GFM1: variants seen among roughly 807,000 people sequenced by gnomAD.
GFM1 encodes elongation factor G, mitochondrial.
In GFM1, 62 loss-of-function variants were observed where a neutral mutation model predicts 96.2. The ratio of observed to expected loss-of-function variants is 0.64; its 90% CI spans 0.53 to 0.80. The LOEUF (loss-of-function observed/expected upper bound fraction) is 0.80, where lower values mean the gene tolerates loss of function less well. Ranked by LOEUF, GFM1 falls within the 30% of genes least tolerant of loss-of-function variation. The pLI is 0.00. For synonymous variants in GFM1, 282 were observed against 312.9 expected, an observed-to-expected ratio of 0.90 and a Z score of 1.04; for missense variants, 852 against 916.6, an observed-to-expected ratio of 0.93 and a Z score of 0.91.
Position 158,649,075 on chromosome 3 carries a change from A to G in GFM1, c.607A>G (p.Ile203Val), listed in dbSNP as rs1722079229. The G allele has an allele frequency of 6.4e-7, 1 of 1,565,576 alleles. No homozygotes were observed. The highest frequency in any genetic ancestry group is 1.4e-5 in the African/African-American group (1 of 73,744). The change falls in exon 5 of 18, where the codon ATA becomes GTA. Residue 203 changes from isoleucine (I) to valine (V), a missense_variant. Coordinates refer to ENST00000486715, the MANE Select transcript of GFM1 (RefSeq NM_024996.7). ...AAATCATAATGCAGCGTTTATGCAG[A>G]TACCCATGGGTTTGGAGGGTAATTT... is the stretch of plus-strand genomic sequence containing the variant. ...KLNHNAAFMQ[I>V]PMGLEGNFKG...
intron 11 of GFM1, among the ~76,000 whole-genome samples, chr3:158,664,896 A>T (rs1723507471): frequency 6.6e-6 from 1 of 152,208 alleles, no homozygotes; most frequent in South Asian, 2.1e-4. Flanking sequence ...GACAAGTCTC[A>T]TCGTGGTATT....
chr3:158,694,817 G>A lies in GFM1; in HGVS notation c.*3350G>A, dbSNP rs1442322150. 6.6e-6 allele frequency among the ~76,000 whole-genome samples: 1 copy of A among 152,106 alleles called. No homozygotes were observed. The highest frequency in any genetic ancestry group is 2.4e-5 in the African/African-American group (1 of 41,392). ...TCAGGTAGGAAGAAAATGAAAGTAT[G>A]AATAAAATAAAATGGAATGTAGACA... is the stretch of plus-strand genomic sequence containing the variant. On this transcript the variant is annotated 3_prime_UTR_variant, in exon 18 of 18. Coordinates refer to ENST00000486715, the MANE Select transcript of GFM1 (RefSeq NM_024996.7).
chr3:158,652,901 G>C (rs1463310330), intron 6 of GFM1, among the ~76,000 whole-genome samples: 1 of 152,148 alleles, frequency 6.6e-6, no homozygotes, highest in Non-Finnish European at 1.5e-5. Context: ...CAGGTTACCA[G>C]TTAATAGCTT....
At chr3:158,666,675 G>A in intron 13 of GFM1, 6 of 1,613,850 alleles carry the variant, frequency 3.7e-6, no homozygotes, top group Non-Finnish European at 4.2e-6. Context: ...TTTGGCAGAC[G>A]GCTATTATGT....
chr3:158,692,211 G>T lies in GFM1; in HGVS notation c.*744G>T, dbSNP rs1726376585. 6.6e-6 allele frequency: 1 copy of T among 152,266 alleles called. No individual in the cohort carries two copies. The highest frequency in any genetic ancestry group is 2.4e-5 in the African/African-American group (1 of 41,450). 9.4% of individuals were successfully genotyped at this position (152,266 alleles called of 1,614,324 possible). A position where few individuals can be genotyped will look rare whatever the true frequency, so the allele number is the denominator to read the frequency against. On this transcript the variant is annotated 3_prime_UTR_variant, in exon 18 of 18. Coordinates refer to ENST00000486715, the MANE Select transcript of GFM1 (RefSeq NM_024996.7). ...ATTTGTAACTGCCTCTGTTTTAGGAGTATAAGTATTACTTCCTTGTGGTCT... is the reference window on the plus strand; with the variant it reads ...ATTTGTAACTGCCTCTGTTTTAGGATTATAAGTATTACTTCCTTGTGGTCT...
Position 158,682,150 on chromosome 3 carries a change from T to TA in GFM1, c.1758dup (p.Glu587ArgfsTer34). 6.2e-7 allele frequency: 1 copy of TA among 1,613,054 alleles called. No individual in the cohort carries two copies. Among genetic ancestry groups the TA allele is most frequent in the Non-Finnish European group, 8.5e-7 (1 of 1,179,376 alleles). On this transcript the variant is annotated frameshift_variant, in exon 14 of 18. Coordinates refer to ENST00000486715, the MANE Select transcript of GFM1 (RefSeq NM_024996.7). LOFTEE classifies it high-confidence loss of function. ...ATTCCAAAGCAGTTTGTGCCTGCTG[T>TA]AGAAAAGGTAAATTTTTAAAAAAGT...
intron 5 of GFM1, among the ~76,000 whole-genome samples, chr3:158,651,682 A>G (rs555943188): frequency 6.6e-6 from 1 of 152,296 alleles, no homozygotes; most frequent in East Asian, 1.9e-4. Context: ...ATTGTTTTGA[A>G]CTTGTATTTT....
At chr3:158,655,819 C>G (rs545892119) in intron 8 of GFM1, 69 of 453,586 alleles carry the variant, frequency 1.5e-4, no homozygotes, top group Middle Eastern at 6.5e-4. Flanking sequence ...TGTCTAGGTC[C>G]TTTTTCCGTC....
chr3:158,662,592 T>C, intron 10 of GFM1, 36 bp from the exon 11 acceptor site: 1 of 1,357,700 alleles, frequency 7.4e-7, no homozygotes, highest in South Asian at 1.2e-5. Context: ...GGGTCTGTTT[T>C]TTAATTCTTC....
intron 17 of GFM1, 34 bp from the exon 18 acceptor site, chr3:158,691,302 A>T (rs1348647637): frequency 6.3e-7 from 1 of 1,579,050 alleles, no homozygotes; most frequent in Non-Finnish European, 8.6e-7. Flanking sequence ...CAAACAAACA[A>T]ACAAAAAACC....
intron 14 of GFM1, 145 bp downstream of exon 14, chr3:158,682,302 C>T (rs1725466444): frequency 2.9e-6 from 2 of 694,076 alleles, no homozygotes; most frequent in African/African-American, 3.5e-5. Context: ...AGCTTTCCAT[C>T]TGATTTAGAA....
chr3:158,677,068 A>G (rs1724966845), intron 13 of GFM1, among the ~76,000 whole-genome samples: 3 of 152,184 alleles, frequency 2.0e-5, no homozygotes, highest in Admixed American at 2.0e-4. Context: ...AATTCTTGTA[A>G]TATTTCAAAC....
Position 158,693,149 on chromosome 3 carries a change from A to G in GFM1, c.*1682A>G, listed in dbSNP as rs1027667229. 3 of 152,224 alleles carry G rather than the reference A, an allele frequency of 2.0e-5. No individual in the cohort carries two copies. Among genetic ancestry groups the G allele is most frequent in the Non-Finnish European group, 2.9e-5 (2 of 68,034 alleles). The allele number at this position is 152,224 out of a possible 1,614,324, so 9.4% of individuals were successfully genotyped here. A position where few individuals can be genotyped will look rare whatever the true frequency, so the allele number is the denominator to read the frequency against. On this transcript the variant is annotated 3_prime_UTR_variant, in exon 18 of 18. Transcript: ENST00000486715. ...TTTTTTAATTGATACTTTAATTACAATTATTCACCAAGTGCATTTCCCCCA... is the reference window on the plus strand; with the variant it reads ...TTTTTTAATTGATACTTTAATTACAGTTATTCACCAAGTGCATTTCCCCCA...
chr3:158,674,281 C>T (rs1339457306), intron 13 of GFM1, among the ~76,000 whole-genome samples: 1 of 151,766 alleles, frequency 6.6e-6, no homozygotes, highest in Non-Finnish European at 1.5e-5. Context: ...GGGGTTTCAC[C>T]ATGTTGAGTT....
At chr3:158,653,231 T>C in intron 6 of GFM1, 79 bp from the exon 7 acceptor site, 2 of 1,150,612 alleles carry the variant, frequency 1.7e-6, no homozygotes, top group Non-Finnish European at 2.6e-6. Flanking sequence ...CAGTTCATTT[T>C]ATTCATTTGT....
intron 6 of GFM1, among the ~76,000 whole-genome samples, chr3:158,653,058 TAGTG>T (rs1228724408): frequency 3.3e-5 from 5 of 152,172 alleles, no homozygotes; most frequent in East Asian, 1.9e-4. Flanking sequence ...AATTGAAAAT[TAGTG>T]AGAATTAGTG....
rs1024899608 is a variant in GFM1, at chr3:158,681,743, C to T, written c.1602-252C>T. The stretch of plus-strand genomic sequence containing the variant: ...GACTGACCTTTTTCTTTTAATTACT[C>T]GACTTTTACTTTTTTATTTGTGAAA... On this transcript the variant is annotated intron_variant, in intron 13 of 17. Transcript: ENST00000486715. 3.3e-5 allele frequency among the ~76,000 whole-genome samples: 5 copies of T among 152,208 alleles called. No homozygotes were observed. In the South Asian group the frequency reaches 6.2e-4, roughly 19 times the overall value.
At position 158,666,329 on chromosome 3, in the gene GFM1, C is replaced by T. The variant is rs752809047; in HGVS notation, c.1544C>T (p.Pro515Leu). 2.8e-5 allele frequency: 45 copies of T among 1,613,202 alleles called. No homozygotes were observed. The highest frequency in any genetic ancestry group is 3.3e-5 in the Admixed American group (2 of 59,964). ...AGGCTGGAAAGAGAGTATGGCTGTC[C>T]TTGTATCACAGGAAAGCCAAAAGTT... ...AQRLEREYGC[P>L]CITGKPKVAF... Residue 515 changes from proline to leucine, a missense_variant, in exon 13 of 18, where the codon CCT (proline) becomes CTT (leucine). Physicochemically the swap from Pro to Leu is moderately conservative, Grantham distance 98. Transcript: ENST00000486715.
intron 13 of GFM1, chr3:158,669,613 G>A (rs377765602): frequency 6.2e-7 from 1 of 1,612,714 alleles, no homozygotes; most frequent in East Asian, 2.2e-5. Context: ...TTAACTTGCT[G>A]TTTGAAATTT....
Sources: gnomAD v4.1 joint callset for allele counts (sites outside exome capture counted in the v4.1 genomes callset) on GRCh38, gnomAD v4.1.1 for gene constraint, MANE v1.5 for transcripts, NCBI Gene and HGNC (gene_info 2026-07-23, HGNC 2026-07-21) for gene names.